The following TUSC3 variants were observed in gnomAD, a reference collection of about 807,000 sequenced individuals.
TUSC3 encodes the protein tumor suppressor candidate 3.
Under a neutral mutation model 44.8 loss-of-function variants are expected in TUSC3, and 45 were observed. That is an observed-to-expected ratio of 1.00 (90% CI 0.79 to 1.29). The LOEUF (loss-of-function observed/expected upper bound fraction) is 1.29. Among genes scored for constraint, TUSC3 ranks in the 50% most tolerant of loss-of-function variants. The pLI is 0.00. For synonymous variants in TUSC3, 212 were observed against 152.9 expected, an observed-to-expected ratio of 1.39 and a Z score of -2.85; for missense variants, 519 against 437.9, an observed-to-expected ratio of 1.19 and a Z score of -1.65.
chr8:15,788,556 A>G, the TUSC3 span, among the ~76,000 whole-genome samples: 1 of 151,884 alleles, frequency 6.6e-6, no homozygotes, highest in Non-Finnish European at 1.5e-5. Context: ...CAAAAAAAAA[A>G]AAAAAAAAGG....
chr8:15,525,047 C>T (rs552011086), intron 2 of TUSC3, among the ~76,000 whole-genome samples: 1 of 152,182 alleles, frequency 6.6e-6, no homozygotes, highest in South Asian at 2.1e-4. Context: ...TTGAGACTAA[C>T]TCTCAAGGTA....
chr8:15,446,176 G>A (rs1436281473), intron 1 of TUSC3, among the ~76,000 whole-genome samples: 4 of 149,954 alleles, frequency 2.7e-5, no homozygotes, highest in Non-Finnish European at 4.4e-5. Context: ...ACGGGGCATC[G>A]GGGCAGAGGC....
At chr8:15,674,442 A>T (rs1437906018) in intron 6 of TUSC3, among the ~76,000 whole-genome samples, 1 of 152,014 alleles carries the variant, frequency 6.6e-6, no homozygotes, top group African/African-American at 2.4e-5. Flanking sequence ...AGACAGTATT[A>T]GGATAGTGAA....
chr8:15,635,507 C>T (rs1043269798), intron 2 of TUSC3, among the ~76,000 whole-genome samples: 10 of 151,998 alleles, frequency 6.6e-5, no homozygotes, highest in Non-Finnish European at 1.5e-4. Flanking sequence ...GTAATATAGT[C>T]CAGAGAGCCA....
At position 15,766,189 on chromosome 8, in the gene TUSC3, C is replaced by G. The variant is rs1226087241; in HGVS notation, c.*2033C>G. On this transcript the variant is annotated 3_prime_UTR_variant, in exon 11 of 11. Coordinates refer to ENST00000503731, the MANE Select transcript of TUSC3 (RefSeq NM_006765.4). ...TTTCAGAATTTCATGCTTTAAAAAG[C>G]TGTGGCTTCTCTATAGACAACTGTT... 1 of 151,820 alleles carries G rather than the reference C, an allele frequency of 6.6e-6. No homozygotes were observed. Among genetic ancestry groups the G allele is most frequent in the Non-Finnish European group, 1.5e-5 (1 of 67,932 alleles). 9.4% of individuals were successfully genotyped at this position (151,820 alleles called of 1,614,324 possible). A position where few individuals can be genotyped will look rare whatever the true frequency, so the allele number is the denominator to read the frequency against.
At chr8:15,654,656 G>C (rs745527391) in intron 3 of TUSC3, among the ~76,000 whole-genome samples, 6 of 152,090 alleles carry the variant, frequency 3.9e-5, no homozygotes, top group Non-Finnish European at 7.4e-5. Context: ...AATTAGCCAG[G>C]TGTGATGGCA....
At chr8:15,631,429 G>C (rs549766067) in intron 2 of TUSC3, among the ~76,000 whole-genome samples, 1 of 152,006 alleles carries the variant, frequency 6.6e-6, no homozygotes, top group East Asian at 1.9e-4. Context: ...TCCAGCTATA[G>C]TCTCTTCATC....
At chr8:15,575,876 T>G (rs1040671896) in intron 1 of TUSC3, among the ~76,000 whole-genome samples, 1 of 152,140 alleles carries the variant, frequency 6.6e-6, no homozygotes. Flanking sequence ...ATTGCTTCCA[T>G]GCCCAAGATT....
At chr8:15,484,430 A>G (rs1015413324) in intron 2 of TUSC3, among the ~76,000 whole-genome samples, 13 of 152,242 alleles carry the variant, frequency 8.5e-5, no homozygotes, top group African/African-American at 3.1e-4. Context: ...TGAAGTAAAT[A>G]AACGCTTTTG....
chr8:15,774,279 A>G, the TUSC3 span, among the ~76,000 whole-genome samples: 3 of 152,208 alleles, frequency 2.0e-5, no homozygotes, highest in Non-Finnish European at 4.4e-5. Context: ...CGAGTACTTC[A>G]GAGTACATCC....
rs147018985 is a variant in TUSC3, at chr8:15,582,072, C to G, written c.139-41008C>G. On this transcript the variant is annotated intron_variant, in intron 1 of 10. Coordinates refer to ENST00000503731, the MANE Select transcript of TUSC3 (RefSeq NM_006765.4). ...ATTCGGGTGGCAGTGACCCGATTTT[C>G]CAGGTGCGTCTGTCACCCCTTTCTT... Among the ~76,000 whole-genome samples the G allele has an allele frequency of 3.6e-3, 545 of 152,140 alleles. 7 individuals are homozygous for G. In the East Asian group the frequency reaches 0.039, roughly 11 times the overall value.
intron 2 of TUSC3, among the ~76,000 whole-genome samples, chr8:15,512,524 G>C (rs996882853): frequency 1.3e-5 from 2 of 152,126 alleles, no homozygotes; most frequent in African/African-American, 4.8e-5. Flanking sequence ...TGTAATCCCA[G>C]CACTTTGGGA....
chr8:15,511,979 G>C (rs1801142783), intron 2 of TUSC3, among the ~76,000 whole-genome samples: 1 of 152,112 alleles, frequency 6.6e-6, no homozygotes, highest in African/African-American at 2.4e-5. Flanking sequence ...CCCCATCCAA[G>C]TTCCAGTAAG....
intron 2 of TUSC3, among the ~76,000 whole-genome samples, chr8:15,633,832 T>G (rs1805936819): frequency 6.6e-6 from 1 of 152,196 alleles, no homozygotes; most frequent in Admixed American, 6.5e-5. Flanking sequence ...GTTTTTTTTG[T>G]TTTGTTTAAG....
At chr8:15,777,966 A>T in the TUSC3 span, among the ~76,000 whole-genome samples, 1 of 152,106 alleles carries the variant, frequency 6.6e-6, no homozygotes, top group Non-Finnish European at 1.5e-5. Context: ...AAATTTTTCA[A>T]ATAAAAAGAG....
chr8:15,783,996 C>G, the TUSC3 span, among the ~76,000 whole-genome samples: 4 of 151,938 alleles, frequency 2.6e-5, no homozygotes, highest in Non-Finnish European at 5.9e-5. Context: ...TCAAACTACT[C>G]AATAATAAGA....
At chr8:15,475,219 C>T (rs999040942) in intron 1 of TUSC3, among the ~76,000 whole-genome samples, 1 of 147,760 alleles carries the variant, frequency 6.8e-6, no homozygotes, top group African/African-American at 2.4e-5. Flanking sequence ...GTTATTAAAT[C>T]CATTTTTTTG....
intron 6 of TUSC3, chr8:15,689,274 C>G: frequency 2.9e-6 from 1 of 350,160 alleles, no homozygotes. Context: ...TGTGAAATAG[C>G]TGCATAATTG....
chr8:15,778,119 C>T, the TUSC3 span, among the ~76,000 whole-genome samples: 3 of 146,690 alleles, frequency 2.0e-5, no homozygotes, highest in Non-Finnish European at 4.5e-5. Context: ...AAACAAAAAA[C>T]CAAAAAACAA....
Sources: allele counts gnomAD v4.1 joint callset (sites outside exome capture counted in the v4.1 genomes callset), GRCh38; gene constraint gnomAD v4.1.1; transcripts MANE v1.5; gene names NCBI Gene and HGNC (gene_info 2026-07-23, HGNC 2026-07-21).